The following PPA2 variants were observed in gnomAD, a reference collection of about 807,000 sequenced individuals.
PPA2 encodes inorganic pyrophosphatase 2, also known as inorganic pyrophosphatase 2, mitochondrial.
In PPA2, 48 loss-of-function variants were observed where a neutral mutation model predicts 49.5. That is an observed-to-expected ratio of 0.97 (90% CI 0.77 to 1.23). PPA2 has a LOEUF of 1.23. Ranked by LOEUF, PPA2 falls within the 50% of genes most tolerant of loss-of-function variation. The pLI is 0.00. For synonymous variants in PPA2, 131 were observed against 139.9 expected, an observed-to-expected ratio of 0.94 and a Z score of 0.45; for missense variants, 429 against 410.1, an observed-to-expected ratio of 1.05 and a Z score of -0.40.
intron 7 of PPA2, among the ~76,000 whole-genome samples, chr4:105,420,568 TCTGA>T (rs1167316755): frequency 6.6e-6 from 1 of 152,254 alleles, no homozygotes; most frequent in African/African-American, 2.4e-5. Flanking sequence ...CTCTCGTTTA[TCTGA>T]CTGACAAATA....
chr4:105,454,780 A>G (rs1722815109), intron 2 of PPA2, among the ~76,000 whole-genome samples: 1 of 152,092 alleles, frequency 6.6e-6, no homozygotes, highest in Non-Finnish European at 1.5e-5. Context: ...ATCCTGTTGT[A>G]TTTGCTGGCC....
At chr4:105,454,227 C>G (rs1392210987) in intron 2 of PPA2, among the ~76,000 whole-genome samples, 4 of 152,316 alleles carry the variant, frequency 2.6e-5, no homozygotes, top group African/African-American at 9.6e-5. Context: ...AAAATGACTA[C>G]TAATGAAGAA....
chr4:105,457,572 CCAG>C (rs1291826767), intron 1 of PPA2, among the ~76,000 whole-genome samples: 2 of 152,038 alleles, frequency 1.3e-5, no homozygotes. Flanking sequence ...AATGAGCACA[CCAG>C]CAACCACATC....
At chr4:105,415,628 G>A (rs1418261784) in intron 7 of PPA2, among the ~76,000 whole-genome samples, 1 of 152,138 alleles carries the variant, frequency 6.6e-6, no homozygotes, top group African/African-American at 2.4e-5. Flanking sequence ...GCTGTGTCCA[G>A]GAAGGTGGTG....
chr4:105,427,948 A>T (rs536144797), intron 6 of PPA2, among the ~76,000 whole-genome samples: 1 of 152,336 alleles, frequency 6.6e-6, no homozygotes, highest in African/African-American at 2.4e-5. Context: ...GCAGCCAGAG[A>T]GAAAGGTCAG....
intron 9 of PPA2, among the ~76,000 whole-genome samples, chr4:105,392,187 C>T (rs1733949869): frequency 2.0e-5 from 3 of 151,662 alleles, no homozygotes; most frequent in Admixed American, 2.0e-4. Context: ...TTAGGTAAGA[C>T]TAGAAATTAA....
Position 105,474,009 on chromosome 4 carries a change from G to C in PPA2, c.42C>G (p.Ala14=). 1 of 1,604,298 alleles carries C rather than the reference G, an allele frequency of 6.2e-7. No homozygotes were observed. The highest frequency in any genetic ancestry group is 8.5e-7 in the Non-Finnish European group (1 of 1,175,982). ...LLRLLRTGAP[A]AACLRLGTSA... ...TGGTCCCCAACCGCAGGCACGCAGC[G>C]GCTGGGGCACCCGTGCGCAGCAGCC... Residue 14 remains alanine, a synonymous_variant, in exon 1 of 12, where the codon GCC becomes GCG. Transcript: ENST00000341695.
chr4:105,421,609 T>C (rs1196820531), intron 7 of PPA2, among the ~76,000 whole-genome samples: 2 of 152,224 alleles, frequency 1.3e-5, no homozygotes, highest in East Asian at 3.8e-4. Flanking sequence ...TACAATCTCT[T>C]CTTCCTTTCA....
intron 10 of PPA2, among the ~76,000 whole-genome samples, chr4:105,374,386 C>T (rs924202253): frequency 6.6e-6 from 1 of 152,212 alleles, no homozygotes; most frequent in Non-Finnish European, 1.5e-5. Flanking sequence ...CATAGTGAGA[C>T]TGTGTCTTTT....
chr4:105,370,782 C>A, intron 11 of PPA2, 55 bp downstream of exon 11: 1 of 1,348,380 alleles, frequency 7.4e-7, no homozygotes, highest in Non-Finnish European at 9.7e-7. Context: ...GCTTCCACTA[C>A]TGTAAACAAA....
At chr4:105,472,341 C>G (rs888951861) in intron 1 of PPA2, among the ~76,000 whole-genome samples, 2 of 152,186 alleles carry the variant, frequency 1.3e-5, no homozygotes, top group Admixed American at 6.5e-5. Flanking sequence ...TTTTGCTCAA[C>G]CAGTGTATTT....
intron 7 of PPA2, among the ~76,000 whole-genome samples, chr4:105,417,430 A>C (rs1247587666): frequency 1.3e-5 from 2 of 152,188 alleles, no homozygotes; most frequent in Non-Finnish European, 2.9e-5. Flanking sequence ...CTACAATTTT[A>C]AGAAATAAAG....
intron 10 of PPA2, among the ~76,000 whole-genome samples, chr4:105,373,559 G>A (rs867859934): frequency 2.6e-5 from 4 of 152,050 alleles, no homozygotes; most frequent in Admixed American, 2.0e-4. Flanking sequence ...AAAATGTACA[G>A]TGTATAAAAA....
intron 10 of PPA2, among the ~76,000 whole-genome samples, chr4:105,375,573 G>A (rs567853278): frequency 7.2e-5 from 11 of 152,180 alleles, no homozygotes; most frequent in East Asian, 3.9e-4. Flanking sequence ...ATTAAAGTGC[G>A]TGCCCATAGA....
In PPA2 at chr4:105,450,828, C is replaced by T. The variant is rs12108594; in HGVS notation, c.268-1425G>A. ...TTCACTGTGTTAGCCAGGATGGTCT[C>T]GATCTCCTGACCTCGTGATCCGCCC... On this transcript the variant is annotated intron_variant, in intron 3 of 11. Transcript: ENST00000341695. Among the ~76,000 whole-genome samples, 7 of 151,946 alleles carry T rather than the reference C, an allele frequency of 4.6e-5. 1 individual carries two copies. Among genetic ancestry groups the T allele is most frequent in the Admixed American group, 1.3e-4 (2 of 15,256 alleles).
intron 1 of PPA2, among the ~76,000 whole-genome samples, chr4:105,468,684 G>A (rs1269672158): frequency 6.6e-6 from 1 of 152,070 alleles, no homozygotes; most frequent in African/African-American, 2.4e-5. Flanking sequence ...TGTTATGCTG[G>A]GGTCCCCAAA....
chr4:105,466,583 G>A (rs985645485), intron 1 of PPA2, among the ~76,000 whole-genome samples: 4 of 152,176 alleles, frequency 2.6e-5, no homozygotes, highest in African/African-American at 9.7e-5. Context: ...AGAAGGAGAG[G>A]CTGAGGCAAT....
chr4:105,429,044 T>A (rs915573421), intron 6 of PPA2, among the ~76,000 whole-genome samples: 3 of 152,186 alleles, frequency 2.0e-5, no homozygotes, highest in Non-Finnish European at 4.4e-5. Flanking sequence ...CCTCCATATT[T>A]TGCTTTCTCT....
At chr4:105,384,076 A>C (rs1480625097) in intron 10 of PPA2, among the ~76,000 whole-genome samples, 1 of 152,176 alleles carries the variant, frequency 6.6e-6, no homozygotes, top group Non-Finnish European at 1.5e-5. Context: ...ATAACAAATT[A>C]AACACTATAT....
Sources: allele counts gnomAD v4.1 joint callset (sites outside exome capture counted in the v4.1 genomes callset), GRCh38; gene constraint gnomAD v4.1.1; transcripts MANE v1.5; gene names NCBI Gene and HGNC (gene_info 2026-07-23, HGNC 2026-07-21).